Variants in USP37 observed in about 807,000 individuals in gnomAD.
The protein encoded by USP37 is ubiquitin specific peptidase 37.
A neutral mutation model predicts 124.0 loss-of-function variants in USP37; 27 were observed. That is an observed-to-expected ratio of 0.22 (90% CI 0.16 to 0.30). The LOEUF is 0.30. Among genes scored for constraint, USP37 ranks in the 10% least tolerant of loss-of-function variants. USP37 has a pLI of 1.00. For synonymous variants in USP37, 365 were observed against 388.0 expected (o/e 0.94, Z 0.70); for missense variants, 889 against 1,140.4 (o/e 0.78, Z 3.17).
intron 15 of USP37, among the ~76,000 whole-genome samples, chr2:218,487,276 C>T (rs373351586): frequency 2.0e-5 from 3 of 152,254 alleles, no homozygotes; most frequent in African/African-American, 4.8e-5. Context: ...TAATAGGGTA[C>T]GTACAACCTA....
intron 12 of USP37, 39 bp downstream of exon 12, chr2:218,497,987 G>A: frequency 6.4e-7 from 1 of 1,569,628 alleles, no homozygotes; most frequent in Non-Finnish European, 8.6e-7. Context: ...AATCAATGAA[G>A]TAAAAGGTTA....
At chr2:218,494,891 G>A (rs1688987448) in intron 14 of USP37, among the ~76,000 whole-genome samples, 1 of 151,860 alleles carries the variant, frequency 6.6e-6, no homozygotes, top group South Asian at 2.1e-4. Context: ...TTCAAATTCG[G>A]ATCTATTTTG....
Position 218,455,228 on chromosome 2 carries a change from C to T in USP37, c.2853-211G>A, listed in dbSNP as rs146603183. On this transcript the variant is annotated intron_variant, in intron 25 of 25. Transcript: ENST00000258399. ...ATAGAGGGGAACTGACAACAGTTAG[C>T]TTTAATGAACATGCTAGGTAATTCC... is the stretch of plus-strand genomic sequence containing the variant. 4.0e-3 allele frequency among the ~76,000 whole-genome samples: 606 copies of T among 152,278 alleles called. 4 individuals carry two copies. Among genetic ancestry groups the T allele is most frequent in the African/African-American group, 0.013 (558 of 41,558 alleles).
chr2:218,529,998 G>C lies in USP37; in HGVS notation c.821C>G (p.Ala274Gly). The C allele has an allele frequency of 6.2e-7, 1 of 1,613,574 alleles. No homozygotes were observed. The highest frequency in any genetic ancestry group is 1.1e-5 in the South Asian group (1 of 91,038). The change falls in exon 10 of 26, where the codon GCT (alanine) becomes GGT (glycine). Residue 274 changes from alanine (A) to glycine (G), a missense_variant. Physicochemically the swap from Ala to Gly is moderately conservative, Grantham distance 60 (BLOSUM62 0). Around this residue, in one of 3 missense-constraint regions of USP37, gnomAD observed 374 missense variants for 386.0 expected, o/e 0.97. Coordinates refer to ENST00000258399, the MANE Select transcript of USP37 (RefSeq NM_020935.3). ...ACCAGAAGAGTGTTCCTTGGATCCA[G>C]CTCTGCTACCATAAAAGGATGATGA... is the stretch of plus-strand genomic sequence containing the variant. ...LQSSSFYGSR[A>G]GSKEHSSGGT...
In USP37 at chr2:218,547,111, G is replaced by C; in HGVS notation, c.430-20C>G. The C allele has an allele frequency of 1.3e-6, 2 of 1,577,982 alleles. No homozygotes were observed. Among genetic ancestry groups the C allele is most frequent in the Non-Finnish European group, 1.7e-6 (2 of 1,168,222 alleles). On this transcript the variant is annotated intron_variant, in intron 6 of 25. Transcript: ENST00000258399. ...AGAAGCCTGTAAAAATAAAGTTTGA[G>C]ATAGTTAAATCTTCAAATTAACTGG...
rs888910851 is a variant in USP37 at position 218,459,824 on chromosome 2, T to G, written c.2609A>C (p.Glu870Ala). Residue 870 changes from glutamate (E) to alanine (A), a missense_variant, in exon 23 of 26, where the codon GAA becomes GCA. Physicochemically the swap from Glu to Ala is moderately radical, Grantham distance 107 (BLOSUM62 -1). Around this residue, in one of 3 missense-constraint regions of USP37, gnomAD observed 504 missense variants for 714.3 expected, o/e 0.71. Transcript: ENST00000258399. ...NEDVFDMEYT[E>A]AEAEELKRNA... ...TCTTTTCAGTTCCTCAGCTTCAGCT[T>G]CTGTGTACTCCATATCAAAAACATC... The G allele has an allele frequency of 6.2e-7, 1 of 1,613,788 alleles. No homozygotes were observed. Among genetic ancestry groups the G allele is most frequent in the African/African-American group, 1.3e-5 (1 of 74,918 alleles).
At chr2:218,469,528 T>C (rs1191830543) in intron 20 of USP37, among the ~76,000 whole-genome samples, 1 of 152,158 alleles carries the variant, frequency 6.6e-6, no homozygotes, top group Non-Finnish European at 1.5e-5. Flanking sequence ...CTCAAAAACG[T>C]GACAGAATAA....
At chr2:218,523,258 C>A (rs915466187) in intron 10 of USP37, among the ~76,000 whole-genome samples, 4 of 149,804 alleles carry the variant, frequency 2.7e-5, no homozygotes, top group African/African-American at 9.9e-5. Flanking sequence ...AGCGAGACTT[C>A]GTCTCAAAAA....
chr2:218,470,340 C>CT (rs748172493), intron 20 of USP37, among the ~76,000 whole-genome samples: 9 of 151,312 alleles, frequency 5.9e-5, no homozygotes, highest in Non-Finnish European at 7.4e-5. Flanking sequence ...AATCCATCAA[C>CT]TTTTTTTTTC....
At chr2:218,543,115 G>A (rs1692077686) in intron 8 of USP37, among the ~76,000 whole-genome samples, 1 of 152,140 alleles carries the variant, frequency 6.6e-6, no homozygotes, top group South Asian at 2.1e-4. Flanking sequence ...AAGGATACTG[G>A]TCTGTGTTAG....
intron 9 of USP37, among the ~76,000 whole-genome samples, chr2:218,532,113 A>G (rs1451586031): frequency 6.6e-6 from 1 of 152,228 alleles, no homozygotes; most frequent in Non-Finnish European, 1.5e-5. Flanking sequence ...GCAGCATCAC[A>G]TGCTACAGAG....
chr2:218,510,953 C>T (rs1689951331), intron 10 of USP37, among the ~76,000 whole-genome samples: 1 of 151,970 alleles, frequency 6.6e-6, no homozygotes, highest in African/African-American at 2.4e-5. Context: ...GCAGATTGCA[C>T]CACTGCACTC....
At chr2:218,506,286 C>CTTTTTTTTT (rs60620765) in intron 11 of USP37, among the ~76,000 whole-genome samples, 1 of 72,624 alleles carries the variant, frequency 1.4e-5, no homozygotes, top group African/African-American at 5.7e-5. Context: ...TTCTTTCTGG[C>CTTTTTTTTT]TTTTTTTTTT....
intron 13 of USP37, 142 bp from the exon 14 acceptor site, chr2:218,496,092 G>A (rs1689065436): frequency 6.9e-6 from 5 of 721,912 alleles, no homozygotes; most frequent in East Asian, 6.0e-5. Flanking sequence ...TCAGGAGTTC[G>A]AGACCAGCCC....
At chr2:218,548,995 T>G (rs1248829654) in intron 6 of USP37, among the ~76,000 whole-genome samples, 4 of 152,156 alleles carry the variant, frequency 2.6e-5, no homozygotes, top group African/African-American at 7.2e-5. Flanking sequence ...TCATTCCATT[T>G]ATATAAAACT....
chr2:218,493,247 A>G (rs1688889917), intron 14 of USP37, among the ~76,000 whole-genome samples: 1 of 152,198 alleles, frequency 6.6e-6, no homozygotes, highest in Non-Finnish European at 1.5e-5. Context: ...TTTGTGTTAG[A>G]GAACTGTCCT....
At chr2:218,483,086 T>G (rs1227450899) in intron 16 of USP37, among the ~76,000 whole-genome samples, 1 of 152,200 alleles carries the variant, frequency 6.6e-6, no homozygotes, top group African/African-American at 2.4e-5. Flanking sequence ...AAGTTATAGA[T>G]TGTAGTTCTC....
intron 8 of USP37, among the ~76,000 whole-genome samples, chr2:218,537,064 T>A (rs1691692484): frequency 6.6e-6 from 1 of 152,108 alleles, no homozygotes; most frequent in Non-Finnish European, 1.5e-5. Flanking sequence ...ACTAAAAAAA[T>A]TTACTAAAAA....
chr2:218,524,615 T>A (rs1690851401), intron 10 of USP37, among the ~76,000 whole-genome samples: 1 of 151,856 alleles, frequency 6.6e-6, no homozygotes, highest in Non-Finnish European at 1.5e-5. Context: ...GGATGTTATT[T>A]TATTTTATTT....
Sources: allele counts gnomAD v4.1 joint callset (sites outside exome capture counted in the v4.1 genomes callset), GRCh38; gene constraint gnomAD v4.1.1; regional missense constraint gnomAD v4.1.1; transcripts MANE v1.5; gene names NCBI Gene and HGNC (gene_info 2026-07-23, HGNC 2026-07-21).